The following NCOA3 variants were observed in gnomAD, a reference collection of about 807,000 sequenced individuals.
NCOA3 encodes CBP-interacting protein.
NCOA3 carries 51 observed loss-of-function variants against 158.8 expected under a neutral mutation model. The ratio of observed to expected loss-of-function variants is 0.32; its 90% CI spans 0.26 to 0.41. The LOEUF (loss-of-function observed/expected upper bound fraction) is 0.41. NCOA3 is among the 10% of genes least tolerant of loss of function. The probability of loss-of-function intolerance (pLI) is 1.00; values close to 1 mark genes in which losing one functional copy is unlikely to be tolerated. For synonymous variants in NCOA3, 537 were observed against 592.4 expected (o/e 0.91, Z 1.36); for missense variants, 1,510 against 1,746.6 (o/e 0.86, Z 2.41).
At position 47,639,805 on chromosome 20, in the gene NCOA3, A is replaced by G. The variant is rs778911618; in HGVS notation, c.2936A>G (p.Gln979Arg). The change falls in exon 15 of 23, where the codon CAG becomes CGG. Residue 979 changes from glutamine (Q) to arginine (R), a missense_variant. This residue lies in a region of NCOA3 where 1,017 missense variants were observed against 1,098.3 expected (regional missense o/e 0.93). Transcript: ENST00000371998. ...PGARPVLQQQ[Q>R]QMLQMRPGEI... ...GCGAGACCAGTATTGCAACAGCAGC[A>G]GCAGATGCTTCAAATGAGTAAGTGT... is the stretch of plus-strand genomic sequence containing the variant. 5.6e-6 allele frequency: 9 copies of G among 1,614,118 alleles called. No individual in the cohort carries two copies. The African/African-American group carries it at 6.7e-5, about 12-fold the overall frequency.
intron 1 of NCOA3, among the ~76,000 whole-genome samples, chr20:47,534,416 G>A (rs1278426461): frequency 6.6e-6 from 1 of 152,176 alleles, no homozygotes; most frequent in African/African-American, 2.4e-5. Flanking sequence ...TGTTTCACTA[G>A]CATTAGTCTC....
chr20:47,547,186 G>A (rs1446046708), intron 1 of NCOA3, among the ~76,000 whole-genome samples: 3 of 152,028 alleles, frequency 2.0e-5, no homozygotes, highest in African/African-American at 4.8e-5. Flanking sequence ...AAACACTTAG[G>A]TAGGTGTCTG....
intron 1 of NCOA3, among the ~76,000 whole-genome samples, chr20:47,513,429 T>G (rs1310282654): frequency 1.3e-5 from 2 of 151,980 alleles, no homozygotes; most frequent in Non-Finnish European, 2.9e-5. Flanking sequence ...TATTAGAAAT[T>G]TCTAAGCAAC....
At chr20:47,637,029 G>C (rs1425553321) in intron 12 of NCOA3, among the ~76,000 whole-genome samples, 1 of 151,992 alleles carries the variant, frequency 6.6e-6, no homozygotes, top group African/African-American at 2.4e-5. Flanking sequence ...GGCAGATTGG[G>C]TCATTAAGAG....
chr20:47,552,277 A>G (rs2084937522), intron 1 of NCOA3, among the ~76,000 whole-genome samples: 1 of 152,226 alleles, frequency 6.6e-6, no homozygotes, highest in African/African-American at 2.4e-5. Flanking sequence ...TAGAAGGCCA[A>G]TGGAAAATCT....
In NCOA3 at chr20:47,635,341, C is replaced by T; in HGVS notation, c.1132C>T (p.Pro378Ser). Residue 378 changes from proline to serine, a missense_variant, in exon 11 of 23, where the codon CCA becomes TCA. Physicochemically the swap from Pro to Ser is moderately conservative, Grantham distance 74 (BLOSUM62 -1). This residue lies in a region of NCOA3 where 1,017 missense variants were observed against 1,098.3 expected (regional missense o/e 0.93). Coordinates refer to ENST00000371998, the MANE Select transcript of NCOA3 (RefSeq NM_181659.3). The stretch of plus-strand genomic sequence containing the variant: ...TTGCAGAGAACAGAATGGATATAGA[C>T]CAAACCCAAATCCTGTTGGACAAGG... ...FLQREQNGYR[P>S]NPNPVGQGIR... 1.2e-6 allele frequency: 2 copies of T among 1,603,566 alleles called. No individual in the cohort carries two copies. Among genetic ancestry groups the T allele is most frequent in the Middle Eastern group, 1.7e-4 (1 of 6,034 alleles).
rs755009152 is a variant in NCOA3 at position 47,636,388 on chromosome 20, T to A, written c.2002T>A (p.Ser668Thr). The part of the protein sequence containing the change: ...GVSSSTSGGV[S>T]STSNMHGSLL... ...CTCCTCCTCTACATCTGGAGGAGTATCCTCTACATCCAATATGCATGGGTC... is the reference window on the plus strand; with the variant it reads ...CTCCTCCTCTACATCTGGAGGAGTAACCTCTACATCCAATATGCATGGGTC... The change falls in exon 12 of 23, where the codon TCC becomes ACC. Residue 668 changes from serine to threonine, a missense_variant. Ser to Thr is a moderately conservative substitution (Grantham distance 58). Coordinates refer to ENST00000371998, the MANE Select transcript of NCOA3 (RefSeq NM_181659.3). 1 of 1,614,122 alleles carries A rather than the reference T, an allele frequency of 6.2e-7. No individual in the cohort carries two copies. Among genetic ancestry groups the A allele is most frequent in the South Asian group, 1.1e-5 (1 of 91,068 alleles).
chr20:47,559,000 G>T (rs1484450458), intron 1 of NCOA3, among the ~76,000 whole-genome samples: 1 of 151,914 alleles, frequency 6.6e-6, no homozygotes, highest in African/African-American at 2.4e-5. Context: ...CATCTTCAAT[G>T]GTGTAATCTT....
intron 2 of NCOA3, among the ~76,000 whole-genome samples, chr20:47,595,083 C>T (rs537883833): frequency 7.3e-5 from 11 of 151,544 alleles, no homozygotes; most frequent in South Asian, 2.1e-4. Context: ...TGAGCCACCA[C>T]GCCCAGCCTT....
chr20:47,561,203 G>T (rs1241206089), intron 1 of NCOA3, among the ~76,000 whole-genome samples: 1 of 151,064 alleles, frequency 6.6e-6, no homozygotes, highest in Non-Finnish European at 1.5e-5. Context: ...TCGAACTCCT[G>T]AGGTCAAAGG....
chr20:47,515,438 C>G (rs973222064), intron 1 of NCOA3, among the ~76,000 whole-genome samples: 2 of 151,092 alleles, frequency 1.3e-5, no homozygotes, highest in Non-Finnish European at 2.9e-5. Context: ...GAAATACAGG[C>G]ATGAGCCACC....
intron 11 of NCOA3, 32 bp downstream of exon 11, chr20:47,635,745 T>G: frequency 6.4e-7 from 1 of 1,568,994 alleles, no homozygotes; most frequent in Non-Finnish European, 8.6e-7. Flanking sequence ...TTTATTTTTT[T>G]TCTTTTTAAG....
intron 3 of NCOA3, 126 bp downstream of exon 3, chr20:47,622,456 G>C (rs2086257280): frequency 1.7e-6 from 1 of 587,508 alleles, no homozygotes; most frequent in Non-Finnish European, 3.0e-6. Flanking sequence ...GTGGTAAGTA[G>C]AGTGTTACTG....
chr20:47,513,117 C>T (rs1261893000), intron 1 of NCOA3, among the ~76,000 whole-genome samples: 4 of 151,534 alleles, frequency 2.6e-5, no homozygotes, highest in Non-Finnish European at 4.4e-5. Flanking sequence ...TGCAGTGAGC[C>T]GAGATCCCAC....
At chr20:47,624,574 T>C (rs931287804) in intron 4 of NCOA3, among the ~76,000 whole-genome samples, 12 of 152,142 alleles carry the variant, frequency 7.9e-5, no homozygotes, top group South Asian at 6.2e-4. Context: ...ACTGCTGACC[T>C]CCTGCTGTGC....
chr20:47,636,465 T>G lies in NCOA3; in HGVS notation c.2079T>G (p.Asn693Lys). 6.2e-7 allele frequency: 1 copy of G among 1,614,052 alleles called. No homozygotes were observed. The highest frequency in any genetic ancestry group is 8.5e-7 in the Non-Finnish European group (1 of 1,180,012). Residue 693 changes from asparagine to lysine, a missense_variant, in exon 12 of 23, where the codon AAT becomes AAG. By Grantham distance (94) the Asn-to-Lys change is moderately conservative (BLOSUM62 0). Transcript: ENST00000371998. The part of the protein sequence containing the change: ...RILHKLLQNG[N>K]SPAEVAKITA... Reference sequence around the variant, plus strand: ...TGCACAAGTTGCTGCAGAATGGGAATTCACCAGCTGAGGTAGCCAAGATTA... The same window carrying G: ...TGCACAAGTTGCTGCAGAATGGGAAGTCACCAGCTGAGGTAGCCAAGATTA...
intron 8 of NCOA3, among the ~76,000 whole-genome samples, chr20:47,629,487 G>A (rs764177075): frequency 1.3e-5 from 2 of 151,940 alleles, no homozygotes; most frequent in Admixed American, 6.6e-5. Flanking sequence ...CCATCACCAC[G>A]CCTGGCTAAT....
chr20:47,581,338 A>C (rs1009093087), intron 1 of NCOA3, among the ~76,000 whole-genome samples: 1 of 152,116 alleles, frequency 6.6e-6, no homozygotes, highest in Admixed American at 6.6e-5. Flanking sequence ...GGCACTACCT[A>C]GAGTTTTCTT....
intron 17 of NCOA3, among the ~76,000 whole-genome samples, chr20:47,644,778 A>G (rs1439450053): frequency 1.3e-5 from 2 of 151,138 alleles, no homozygotes; most frequent in East Asian, 3.9e-4. Flanking sequence ...GCTCACTGCA[A>G]CCTCCACCTC....
Sources: allele counts gnomAD v4.1 joint callset (sites outside exome capture counted in the v4.1 genomes callset), GRCh38; gene constraint gnomAD v4.1.1; regional missense constraint gnomAD v4.1.1; transcripts MANE v1.5; gene names NCBI Gene and HGNC (gene_info 2026-07-23, HGNC 2026-07-21).